The following STOX2 variants were observed in gnomAD, a reference collection of about 807,000 sequenced individuals.
STOX2 encodes storkhead box 2.
Under a neutral mutation model 60.9 loss-of-function variants are expected in STOX2, and 28 were observed. The observed-to-expected ratio is 0.46, with a 90% CI of 0.34 to 0.63. The LOEUF is 0.63. STOX2 is among the 30% of genes least tolerant of loss of function. The pLI, the probability that STOX2 is intolerant of heterozygous loss-of-function variation, is 0.01. For synonymous variants in STOX2, 472 were observed against 463.9 expected, an observed-to-expected ratio of 1.02 and a Z score of -0.22; for missense variants, 1,024 against 1,187.7, an observed-to-expected ratio of 0.86 and a Z score of 2.03.
intron 1 of STOX2, among the ~76,000 whole-genome samples, chr4:183,857,280 CTTGCAGGACTGGTCATT>C (rs1740312064): frequency 3.5e-5 from 4 of 113,850 alleles, no homozygotes; most frequent in Admixed American, 9.3e-5. Context: ...GACTGGTCAT[CTTGCAGGACTGGTCATT>C]CCACAGGACT....
At chr4:183,920,955 A>G (rs1742083038) in intron 1 of STOX2, among the ~76,000 whole-genome samples, 2 of 152,362 alleles carry the variant, frequency 1.3e-5, no homozygotes, top group Non-Finnish European at 2.9e-5. Context: ...AGTCTCAAAC[A>G]TAAACATAAT....
chr4:184,008,507 G>A (rs921014629), intron 2 of STOX2, among the ~76,000 whole-genome samples: 3 of 151,646 alleles, frequency 2.0e-5, no homozygotes, highest in Non-Finnish European at 4.4e-5. Context: ...CTTACTGACT[G>A]ACGCCAAAAA....
At chr4:183,941,229 T>A (rs1293431929) in intron 1 of STOX2, among the ~76,000 whole-genome samples, 1 of 152,166 alleles carries the variant, frequency 6.6e-6, no homozygotes, top group Non-Finnish European at 1.5e-5. Flanking sequence ...TCATTCTTAC[T>A]CATCCTTTTG....
At chr4:183,928,815 C>A (rs1161836138) in intron 1 of STOX2, among the ~76,000 whole-genome samples, 4 of 150,222 alleles carry the variant, frequency 2.7e-5, no homozygotes, top group Non-Finnish European at 4.4e-5. Context: ...CAGGAAAAAA[C>A]AAACAAAAAA....
chr4:183,972,784 G>A (rs1478151026), intron 1 of STOX2, among the ~76,000 whole-genome samples: 1 of 152,184 alleles, frequency 6.6e-6, no homozygotes, highest in African/African-American at 2.4e-5. Context: ...ATCTCAATTT[G>A]TATGTGAAAG....
At chr4:184,003,760 G>T (rs1291704804) in intron 2 of STOX2, among the ~76,000 whole-genome samples, 1 of 152,216 alleles carries the variant, frequency 6.6e-6, no homozygotes, top group Non-Finnish European at 1.5e-5. Context: ...TTACTATGTG[G>T]TTCTTTACAG....
chr4:183,937,512 G>T (rs1464043629), intron 1 of STOX2, among the ~76,000 whole-genome samples: 1 of 152,144 alleles, frequency 6.6e-6, no homozygotes, highest in Admixed American at 6.5e-5. Context: ...GCTCAGAGTG[G>T]GGTCGGCAGA....
chr4:183,944,061 A>G (rs1173164073), intron 1 of STOX2, among the ~76,000 whole-genome samples: 1 of 152,224 alleles, frequency 6.6e-6, no homozygotes, highest in Non-Finnish European at 1.5e-5. Flanking sequence ...AAGAGAATAC[A>G]TTCTGGTTGC....
chr4:183,865,857 T>C lies in STOX2; in HGVS notation c.364+67802T>C, dbSNP rs1002782045. ...ATTTGGGGGTCATTTTTTGGAAGGC[T>C]TTTTTCTTTTTAACCACTTAGGCAT... is the stretch of plus-strand genomic sequence containing the variant. On this transcript the variant is annotated intron_variant, in intron 1 of 2. Coordinates refer to the STOX2 transcript ENST00000513034. The surrounding 1 kb of genome is among the most constrained non-coding windows in gnomAD (Gnocchi z 4.1). 6.6e-6 allele frequency among the ~76,000 whole-genome samples: 1 copy of C among 152,292 alleles called. No individual in the cohort carries two copies. Among genetic ancestry groups the C allele is most frequent in the African/African-American group, 2.4e-5 (1 of 41,566 alleles).
At chr4:183,948,812 G>A (rs958021645) in intron 1 of STOX2, among the ~76,000 whole-genome samples, 12 of 152,150 alleles carry the variant, frequency 7.9e-5, no homozygotes, top group South Asian at 2.1e-4. Flanking sequence ...GATTACAGGC[G>A]TGAGCCACTG....
At chr4:183,990,235 C>G (rs868159908) in intron 1 of STOX2, among the ~76,000 whole-genome samples, 1 of 152,186 alleles carries the variant, frequency 6.6e-6, no homozygotes, top group Non-Finnish European at 1.5e-5. Context: ...CCTTAAGGAC[C>G]TATTCCAAAT....
intron 1 of STOX2, among the ~76,000 whole-genome samples, chr4:183,860,560 C>G (rs961547465): frequency 1.3e-5 from 2 of 150,346 alleles, no homozygotes; most frequent in Admixed American, 1.3e-4. Flanking sequence ...TTAAAAGAAA[C>G]ACTTAAAAAT....
At chr4:183,871,966 G>A (rs1484101391) in intron 1 of STOX2, among the ~76,000 whole-genome samples, 2 of 152,022 alleles carry the variant, frequency 1.3e-5, no homozygotes, top group East Asian at 1.9e-4. Flanking sequence ...ATATATTAAT[G>A]TAATAACTTA....
At chr4:183,840,057 T>C (rs917689932) in intron 1 of STOX2, among the ~76,000 whole-genome samples, 11 of 151,942 alleles carry the variant, frequency 7.2e-5, no homozygotes, top group African/African-American at 2.7e-4. Flanking sequence ...TGTGCGCGTG[T>C]GTGTGTGTGT....
intron 2 of STOX2, among the ~76,000 whole-genome samples, chr4:184,008,889 A>G (rs1734000858): frequency 6.6e-6 from 1 of 152,242 alleles, no homozygotes; most frequent in Non-Finnish European, 1.5e-5. Context: ...ACAGGAAACA[A>G]CAGGTAACAA....
intron 1 of STOX2, among the ~76,000 whole-genome samples, chr4:183,855,975 T>C (rs542742811): frequency 1.4e-4 from 21 of 152,216 alleles, no homozygotes; most frequent in Non-Finnish European, 1.9e-4. Flanking sequence ...TGCTCTGGTT[T>C]GGGTCAGGAG....
chr4:183,874,722 C>T (rs985964815), intron 1 of STOX2, among the ~76,000 whole-genome samples: 4 of 150,584 alleles, frequency 2.7e-5, no homozygotes, highest in South Asian at 2.1e-4. Flanking sequence ...GTCAGGAGAT[C>T]GAGACCATCC....
chr4:183,863,928 G>C (rs541241074), intron 1 of STOX2, among the ~76,000 whole-genome samples: 6 of 152,308 alleles, frequency 3.9e-5, no homozygotes, highest in South Asian at 2.1e-4. Flanking sequence ...AGAGTGTCTG[G>C]TTGACTTTAA....
At chr4:183,965,055 A>G (rs145720451) in intron 1 of STOX2, among the ~76,000 whole-genome samples, 8 of 152,346 alleles carry the variant, frequency 5.3e-5, no homozygotes, top group Admixed American at 2.0e-4. Context: ...TAAAAATCTT[A>G]TAGTCTTGAA....
Sources: allele counts gnomAD v4.1 joint callset (sites outside exome capture counted in the v4.1 genomes callset), GRCh38; gene constraint gnomAD v4.1.1; non-coding constraint Gnocchi (gnomAD v3.1); transcripts MANE v1.5; gene names NCBI Gene and HGNC (gene_info 2026-07-23, HGNC 2026-07-21).